Variants in SYNCRIP observed in about 807,000 individuals in gnomAD.
SYNCRIP encodes synaptotagmin binding cytoplasmic RNA interacting protein.
In SYNCRIP, 9 loss-of-function variants were observed where a neutral mutation model predicts 68.9. That is an observed-to-expected ratio of 0.13 (90% CI 0.08 to 0.23). SYNCRIP has a LOEUF of 0.23. SYNCRIP is among the 10% of genes least tolerant of loss of function. The pLI is 1.00. For missense variants in SYNCRIP, 414 were observed against 770.6 expected (o/e 0.54, Z 5.48); for synonymous variants, 258 against 254.0 (o/e 1.02, Z -0.15).
At chr6:85,622,030 C>T (rs1172780891) in intron 8 of SYNCRIP, among the ~76,000 whole-genome samples, 1 of 148,908 alleles carries the variant, frequency 6.7e-6, no homozygotes, top group African/African-American at 2.6e-5. Context: ...CTGCCTAGTC[C>T]CGTAGTAAAG....
At chr6:85,643,561 C>G (rs1809461877), upstream of SYNCRIP, among the ~76,000 whole-genome samples, 1 of 150,896 alleles carries the variant, frequency 6.6e-6, no homozygotes, top group East Asian at 2.0e-4. Context: ...CTCAGCGTGT[C>G]CCACTCGTTT....
At chr6:85,619,938 C>T (rs1382045502) in intron 8 of SYNCRIP, among the ~76,000 whole-genome samples, 4 of 152,174 alleles carry the variant, frequency 2.6e-5, no homozygotes, top group African/African-American at 9.7e-5. Context: ...ATGTTAATAG[C>T]AGCTTTATTT....
chr6:85,614,567 T>A lies in SYNCRIP; in HGVS notation c.*189A>T, dbSNP rs1805544825. 3.1e-6 allele frequency: 4 copies of A among 1,287,372 alleles called. No individual in the cohort carries two copies. In the East Asian group the frequency reaches 1.2e-4, roughly 39 times the overall value. 79.7% of individuals were successfully genotyped at this position (1,287,372 alleles called of 1,614,324 possible). The stretch of plus-strand genomic sequence containing the variant: ...CTAAGAATATCTTTATTGAAAAAAA[T>A]TAAAAATAAAATCAGTTCGCCAGAA... On this transcript the variant is annotated 3_prime_UTR_variant, in exon 11 of 11. Coordinates refer to ENST00000369622, the MANE Select transcript of SYNCRIP (RefSeq NM_006372.5).
downstream of SYNCRIP, chr6:85,612,878 G>C (rs572189387): frequency 1.6e-4 from 248 of 1,550,620 alleles, 2 homozygotes; most frequent in South Asian, 3.0e-4. Flanking sequence ...TAGCAAGTCA[G>C]TCTTCATTGT....
At chr6:85,609,099 C>T (rs1412844524), downstream of SYNCRIP, 1 of 151,850 alleles carries the variant, frequency 6.6e-6, no homozygotes, top group East Asian at 1.9e-4. Flanking sequence ...TTTACACCCA[C>T]CAGTGAATTC....
intron 8 of SYNCRIP, among the ~76,000 whole-genome samples, 191 bp from the exon 9 acceptor site, chr6:85,619,608 T>C (rs974332396): frequency 6.6e-6 from 1 of 152,060 alleles, no homozygotes; most frequent in African/African-American, 2.4e-5. Flanking sequence ...TTGAAAGACC[T>C]GAAATAGATG....
chr6:85,642,005 G>T (rs971263331), intron 1 of SYNCRIP, among the ~76,000 whole-genome samples: 1 of 152,104 alleles, frequency 6.6e-6, no homozygotes, highest in Non-Finnish European at 1.5e-5. Flanking sequence ...CGGCCGCCAG[G>T]AGCCCATTAG....
intron 6 of SYNCRIP, among the ~76,000 whole-genome samples, chr6:85,631,946 A>T (rs1311728896): frequency 1.3e-5 from 2 of 152,190 alleles, no homozygotes; most frequent in Admixed American, 1.3e-4. Context: ...GTAGCTATTA[A>T]TCACCTTTTC....
At chr6:85,633,803 C>A (rs1808115976) in intron 6 of SYNCRIP, among the ~76,000 whole-genome samples, 1 of 152,062 alleles carries the variant, frequency 6.6e-6, no homozygotes, top group East Asian at 1.9e-4. Flanking sequence ...CGCTGCCTGG[C>A]TAATCTGTTA....
In SYNCRIP at chr6:85,614,643, T is replaced by C; in HGVS notation, c.*113A>G. ...TGTCCAAGCGGATTGTTAAAATATA[T>C]ACATAAAGGGAAATCTTGCCAGATG... On this transcript the variant is annotated 3_prime_UTR_variant, in exon 11 of 11. Coordinates refer to ENST00000369622, the MANE Select transcript of SYNCRIP (RefSeq NM_006372.5). The C allele has an allele frequency of 7.1e-7, 1 of 1,404,180 alleles. No homozygotes were observed. Among genetic ancestry groups the C allele is most frequent in the Non-Finnish European group, 9.3e-7 (1 of 1,077,986 alleles). The allele number at this position is 1,404,180 out of a possible 1,614,324, so 87.0% of individuals were successfully genotyped here.
intron 6 of SYNCRIP, among the ~76,000 whole-genome samples, chr6:85,630,041 A>AAACCATCAG (rs920526747): frequency 6.6e-6 from 1 of 151,940 alleles, no homozygotes; most frequent in Non-Finnish European, 1.5e-5. Context: ...CTGGTGACTA[A>AAACCATCAG]AACCATCAGA....
At chr6:85,623,040 A>G (rs377112408) in intron 7 of SYNCRIP, among the ~76,000 whole-genome samples, 1 of 152,210 alleles carries the variant, frequency 6.6e-6, no homozygotes, top group East Asian at 1.9e-4. Flanking sequence ...TTATGCAAAC[A>G]CTAAAATTAT....
chr6:85,615,809 C>A (rs944517236), intron 10 of SYNCRIP, among the ~76,000 whole-genome samples: 31 of 151,306 alleles, frequency 2.0e-4, no homozygotes, highest in African/African-American at 7.0e-4. Flanking sequence ...GACTCTGACT[C>A]AAAAAAAAAT....
At chr6:85,615,760 A>AG (rs1805692966) in intron 10 of SYNCRIP, among the ~76,000 whole-genome samples, 1 of 152,208 alleles carries the variant, frequency 6.6e-6, no homozygotes, top group Non-Finnish European at 1.5e-5. Context: ...CAGTAAGCCA[A>AG]GGTCACATCA....
intron 8 of SYNCRIP, among the ~76,000 whole-genome samples, chr6:85,620,079 T>C (rs543519055): frequency 2.6e-5 from 4 of 152,158 alleles, no homozygotes; most frequent in African/African-American, 9.6e-5. Context: ...ACACCCCGTC[T>C]CTACAAAAAT....
intron 6 of SYNCRIP, among the ~76,000 whole-genome samples, chr6:85,632,767 C>T (rs1311609662): frequency 6.6e-6 from 1 of 152,004 alleles, no homozygotes; most frequent in Non-Finnish European, 1.5e-5. Context: ...CATAGTGAGA[C>T]ACCACCTCTA....
chr6:85,635,684 C>T (rs1211454232), intron 6 of SYNCRIP, among the ~76,000 whole-genome samples: 3 of 146,202 alleles, frequency 2.1e-5, no homozygotes, highest in Non-Finnish European at 1.5e-5. Flanking sequence ...GCAGGAGAAT[C>T]GCTTGAACCT....
downstream of SYNCRIP, chr6:85,612,653 TAGAG>T: frequency 2.7e-6 from 1 of 369,858 alleles, no homozygotes; most frequent in African/African-American, 2.1e-5. Flanking sequence ...ATTTTGAAAA[TAGAG>T]TAGCTTTAGT....
At chr6:85,616,930 G>A (rs1035602218) in intron 10 of SYNCRIP, among the ~76,000 whole-genome samples, 2 of 152,010 alleles carry the variant, frequency 1.3e-5, no homozygotes, top group Admixed American at 6.6e-5. Context: ...GTCCTACAAC[G>A]CACAGGGCAG....
Sources: gnomAD v4.1 joint callset for allele counts (sites outside exome capture counted in the v4.1 genomes callset) on GRCh38, gnomAD v4.1.1 for gene constraint, MANE v1.5 for transcripts, NCBI Gene and HGNC (gene_info 2026-07-23, HGNC 2026-07-21) for gene names.